CYFIP1: variants seen among roughly 807,000 people sequenced by gnomAD.
The protein encoded by CYFIP1 is cytoplasmic FMR1-interacting protein 1.
In CYFIP1, 58 loss-of-function variants were observed where a neutral mutation model predicts 163.5. The ratio of observed to expected loss-of-function variants is 0.35; its 90% CI spans 0.29 to 0.44. The LOEUF is 0.44. Ranked by LOEUF, CYFIP1 falls within the 20% of genes least tolerant of loss-of-function variation. The pLI is 1.00. For synonymous variants in CYFIP1, 663 were observed against 660.7 expected, an observed-to-expected ratio of 1.00 and a Z score of -0.05; for missense variants, 1,338 against 1,653.8, an observed-to-expected ratio of 0.81 and a Z score of 3.31.
chr15:22,934,177 CTTTTT>C (rs1163626431), intron 9 of CYFIP1, among the ~76,000 whole-genome samples: 10 of 66,148 alleles, frequency 1.5e-4, no homozygotes, highest in African/African-American at 3.7e-4. Flanking sequence ...GCATTTCTTT[CTTTTT>C]TTTTTTTTTT....
rs1405096545 is a variant in CYFIP1 at position 22,913,551 on chromosome 15, AG to A, written c.1985+1174del. Among the ~76,000 whole-genome samples, 62 of 130,002 alleles carry A rather than the reference AG, an allele frequency of 4.8e-4. 1 individual carries two copies. Among genetic ancestry groups the A allele is most frequent in the African/African-American group, 1.5e-3 (47 of 31,290 alleles). The allele number at this position is 130,002 out of a possible 152,430, so 85.3% of individuals were successfully genotyped here. On this transcript the variant is annotated intron_variant, in intron 17 of 30. Coordinates refer to ENST00000617928, the MANE Select transcript of CYFIP1 (RefSeq NM_014608.6). ...TCAAAAAAAAAAAAAAAAAAAAAAA[AG>A]AAAGAAAGAAAAAAAAGAAAAAATT... is the stretch of plus-strand genomic sequence containing the variant.
chr15:22,972,018 T>C (rs1436762438), intron 1 of CYFIP1, among the ~76,000 whole-genome samples: 1 of 148,072 alleles, frequency 6.8e-6, no homozygotes, highest in Non-Finnish European at 1.5e-5. Flanking sequence ...ATACCTACCA[T>C]ATTCTTCATG....
At chr15:22,887,894 G>A (rs142567448) in intron 23 of CYFIP1, among the ~76,000 whole-genome samples, 28 of 152,232 alleles carry the variant, frequency 1.8e-4, no homozygotes, top group East Asian at 9.7e-4. Context: ...AGCCTTGTTC[G>A]ACAAGCAGAG....
intron 23 of CYFIP1, among the ~76,000 whole-genome samples, chr15:22,887,547 C>T (rs566321803): frequency 6.6e-6 from 1 of 152,272 alleles, no homozygotes; most frequent in African/African-American, 2.4e-5. Flanking sequence ...ATTCTCAGAC[C>T]CGCCCTGACT....
intron 21 of CYFIP1, chr15:22,904,190 G>C (rs188025689): frequency 2.0e-6 from 1 of 505,348 alleles, no homozygotes; most frequent in Non-Finnish European, 3.6e-6. Context: ...GCCTGCTACT[G>C]CCACCCTTCC....
rs572498395 is a variant in CYFIP1, at chr15:22,944,494, G to C, written c.387+64C>G. On this transcript the variant is annotated intron_variant, in intron 5 of 30. Coordinates refer to ENST00000617928, the MANE Select transcript of CYFIP1 (RefSeq NM_014608.6). Reference sequence around the variant, plus strand: ...AGGGTGTTCACAGTGACAGTGATGGGTAGGAAGGGGTCAGCAACCCACCCC... The same window carrying C: ...AGGGTGTTCACAGTGACAGTGATGGCTAGGAAGGGGTCAGCAACCCACCCC... The C allele has an allele frequency of 2.9e-3, 3,092 of 1,074,318 alleles. 8 individuals carry two copies. Among genetic ancestry groups the C allele is most frequent in the Non-Finnish European group, 3.8e-3 (2,712 of 705,838 alleles). 66.5% of individuals were successfully genotyped at this position (1,074,318 alleles called of 1,614,324 possible).
chr15:22,916,162 T>G (rs2060972451), intron 16 of CYFIP1, among the ~76,000 whole-genome samples: 1 of 152,220 alleles, frequency 6.6e-6, no homozygotes, highest in Non-Finnish European at 1.5e-5. Context: ...TTTCTAGTAT[T>G]TATCAATGCC....
chr15:22,930,573 C>T (rs1401465904), intron 11 of CYFIP1, among the ~76,000 whole-genome samples: 1 of 152,030 alleles, frequency 6.6e-6, no homozygotes, highest in Non-Finnish European at 1.5e-5. Flanking sequence ...CTAGTGATGT[C>T]CTGATGATCC....
intron 30 of CYFIP1, among the ~76,000 whole-genome samples, chr15:22,870,542 G>A (rs2059405320): frequency 6.6e-6 from 1 of 152,138 alleles, no homozygotes; most frequent in Non-Finnish European, 1.5e-5. Context: ...GAACTCCTGA[G>A]CTCAAGCAAT....
intron 21 of CYFIP1, among the ~76,000 whole-genome samples, chr15:22,908,986 T>C (rs2060686700): frequency 1.3e-5 from 2 of 151,968 alleles, no homozygotes; most frequent in Non-Finnish European, 1.5e-5. Flanking sequence ...GTAGGCTTGG[T>C]ATAGGCCACG....
At chr15:22,926,935 T>C (rs1029774223) in intron 12 of CYFIP1, among the ~76,000 whole-genome samples, 5 of 152,192 alleles carry the variant, frequency 3.3e-5, no homozygotes, top group African/African-American at 7.2e-5. Context: ...AATTAGATCT[T>C]TGCAAACTGT....
chr15:22,909,522 A>G (rs1373307093), intron 20 of CYFIP1, among the ~76,000 whole-genome samples: 1 of 152,100 alleles, frequency 6.6e-6, no homozygotes, highest in Non-Finnish European at 1.5e-5. Context: ...CTCCATCTCT[A>G]TTTTGGCCTA....
chr15:22,954,062 C>CAAAAA (rs2062355479), intron 1 of CYFIP1, among the ~76,000 whole-genome samples: 1 of 98,766 alleles, frequency 1.0e-5, no homozygotes, highest in East Asian at 2.5e-4. Context: ...CTCAAAAAAA[C>CAAAAA]AAAAACAAAA....
chr15:22,926,573 AT>A (rs1231429575), intron 12 of CYFIP1, among the ~76,000 whole-genome samples: 1 of 152,200 alleles, frequency 6.6e-6, no homozygotes, highest in Non-Finnish European at 1.5e-5. Flanking sequence ...TACTCTTCCA[AT>A]TTGATAATTT....
chr15:22,908,316 G>C (rs774831963), intron 21 of CYFIP1, among the ~76,000 whole-genome samples: 1 of 151,968 alleles, frequency 6.6e-6, no homozygotes, highest in Non-Finnish European at 1.5e-5. Flanking sequence ...CCGAAAAATG[G>C]GTGAGCGCCC....
At chr15:22,910,970 T>C (rs1350978467) in intron 18 of CYFIP1, among the ~76,000 whole-genome samples, 157 bp from the exon 19 acceptor site, 1 of 151,872 alleles carries the variant, frequency 6.6e-6, no homozygotes, top group African/African-American at 2.4e-5. Flanking sequence ...AGCGCAGTAG[T>C]GCGATCTTGG....
rs758763289 is a variant in CYFIP1 at position 22,925,973 on chromosome 15, C to T, written c.1359+9G>A. 23 of 1,612,194 alleles carry T rather than the reference C, an allele frequency of 1.4e-5. No individual in the cohort carries two copies. In the South Asian group the frequency reaches 1.8e-4, roughly 12 times the overall value. On this transcript the variant is annotated intron_variant, in intron 13 of 30. Coordinates refer to ENST00000617928, the MANE Select transcript of CYFIP1 (RefSeq NM_014608.6). ...ACATGAGGAAGAGCGAGCGGCCGAG[C>T]ATCCTCACCTCCACTAGGGCAAACT... is the stretch of plus-strand genomic sequence containing the variant.
intron 30 of CYFIP1, among the ~76,000 whole-genome samples, chr15:22,871,049 C>T (rs1255370456): frequency 2.0e-5 from 3 of 152,142 alleles, no homozygotes; most frequent in African/African-American, 4.8e-5. Context: ...CGTAAGCAAG[C>T]GGGACCACAC....
At chr15:22,872,599 ATC>A (rs2059468982) in intron 30 of CYFIP1, 1 of 508,774 alleles carries the variant, frequency 2.0e-6, no homozygotes, top group African/African-American at 1.9e-5. Flanking sequence ...CTGGAAGTAA[ATC>A]TAAGTACCTT....
Sources: allele counts gnomAD v4.1 joint callset (sites outside exome capture counted in the v4.1 genomes callset), GRCh38; gene constraint gnomAD v4.1.1; transcripts MANE v1.5; gene names NCBI Gene and HGNC (gene_info 2026-07-23, HGNC 2026-07-21).